DLST: variants seen among roughly 807,000 people sequenced by gnomAD.
DLST encodes the protein dihydrolipoyllysine-residue succinyltransferase component of 2-oxoglutarate dehydrogenase complex, mitochondrial.
DLST carries 17 observed loss-of-function variants against 53.1 expected under a neutral mutation model. The ratio of observed to expected loss-of-function variants is 0.32; its 90% CI spans 0.22 to 0.48. DLST has a LOEUF of 0.48. DLST is among the 20% of genes least tolerant of loss of function. The pLI is 0.99. For synonymous variants in DLST, 206 were observed against 204.8 expected, an observed-to-expected ratio of 1.01 and a Z score of -0.05; for missense variants, 512 against 583.9, an observed-to-expected ratio of 0.88 and a Z score of 1.27.
Position 74,903,259 on chromosome 14 carries a change from C to T in DLST, c.*929C>T, listed in dbSNP as rs1195069857. The T allele has an allele frequency of 6.5e-6, 1 of 152,682 alleles. No individual in the cohort carries two copies. Among genetic ancestry groups the T allele is most frequent in the Non-Finnish European group, 1.5e-5 (1 of 68,092 alleles). 9.5% of individuals were successfully genotyped at this position (152,682 alleles called of 1,614,324 possible). The stretch of plus-strand genomic sequence containing the variant: ...CTAGACTGACTCACATTGCCTTGAG[C>T]TTTTCAGTTAAGTTGCTGTAAGCAC... On this transcript the variant is annotated 3_prime_UTR_variant, in exon 15 of 15. Transcript: ENST00000334220.
chr14:74,884,372 A>G lies in DLST; in HGVS notation c.98-1214A>G, dbSNP rs141314399. ...TGGGAACCCTGAACAATGTCAGTAAACATTTTCTCCACTTCATAGGTGGGC... is the reference window on the plus strand; with the variant it reads ...TGGGAACCCTGAACAATGTCAGTAAGCATTTTCTCCACTTCATAGGTGGGC... On this transcript the variant is annotated intron_variant, in intron 2 of 14. Transcript: ENST00000334220. Among the ~76,000 whole-genome samples the G allele has an allele frequency of 8.5e-3, 1,287 of 152,268 alleles. 24 individuals are homozygous for G. The highest frequency in any genetic ancestry group is 0.029 in the African/African-American group (1,197 of 41,546).
chr14:74,891,330 G>A, intron 7 of DLST, 163 bp downstream of exon 7: 2 of 1,391,724 alleles, frequency 1.4e-6, no homozygotes, highest in Non-Finnish European at 1.9e-6. Context: ...AACTTCAAAT[G>A]TCAAATTCTA....
chr14:74,903,575 T>G lies in DLST; in HGVS notation c.*1245T>G, dbSNP rs1273351628. 1 of 137,154 alleles carries G rather than the reference T, an allele frequency of 7.3e-6. No individual in the cohort carries two copies. Among genetic ancestry groups the G allele is most frequent in the Non-Finnish European group, 1.5e-5 (1 of 65,874 alleles). The allele number at this position is 137,154 out of a possible 1,614,324, so 8.5% of individuals were successfully genotyped here. ...AGGGCCAGTAGAGAGTGCCCTTTTG[T>G]ATCTTAAGCCAAGAAGTGAGGCCTG... is the stretch of plus-strand genomic sequence containing the variant. On this transcript the variant is annotated 3_prime_UTR_variant, in exon 15 of 15. Coordinates refer to ENST00000334220, the MANE Select transcript of DLST (RefSeq NM_001933.5).
intron 3 of DLST, chr14:74,885,881 GT>G (rs1883686422): frequency 2.4e-6 from 1 of 420,976 alleles, no homozygotes; most frequent in South Asian, 4.7e-5. Flanking sequence ...TATAATGAAA[GT>G]TAAGTTGGAA....
chr14:74,902,153 G>C (rs556798845), intron 14 of DLST, 43 bp from the exon 15 acceptor site: 7 of 1,495,424 alleles, frequency 4.7e-6, no homozygotes, highest in Non-Finnish European at 6.3e-6. Context: ...GAGGCTGGCT[G>C]TGGCTTGCTG....
intron 3 of DLST, chr14:74,885,986 T>C (rs924749107): frequency 9.6e-6 from 2 of 207,570 alleles, no homozygotes. Flanking sequence ...ATTGTGGAGA[T>C]TGAGAGCATC....
Position 74,888,814 on chromosome 14 carries a change from A to C in DLST, c.147-281A>C, listed in dbSNP as rs573557516. Among the ~76,000 whole-genome samples the C allele has an allele frequency of 3.3e-5, 5 of 152,268 alleles. No individual in the cohort carries two copies. The East Asian group carries it at 9.7e-4, about 29-fold the overall frequency. The stretch of plus-strand genomic sequence containing the variant: ...GCCAAATGTAAGTCTGTTTTGTGAG[A>C]GTTGGCATTGCATTGCAGCACAGGG... On this transcript the variant is annotated intron_variant, in intron 3 of 14. Transcript: ENST00000334220.
chr14:74,891,246 C>G (rs115591330), intron 7 of DLST, 79 bp downstream of exon 7: 2 of 1,590,536 alleles, frequency 1.3e-6, no homozygotes, highest in Admixed American at 3.4e-5. Flanking sequence ...GCTAATTCCC[C>G]GATATGTCAA....
At chr14:74,886,924 A>G (rs1041881311) in intron 3 of DLST, among the ~76,000 whole-genome samples, 9 of 151,696 alleles carry the variant, frequency 5.9e-5, no homozygotes, top group Non-Finnish European at 1.2e-4. Context: ...GTATTAGTAG[A>G]GACGGGGTTT....
chr14:74,900,262 C>T, intron 12 of DLST, 27 bp from the exon 13 acceptor site: 1 of 1,609,648 alleles, frequency 6.2e-7, no homozygotes, highest in South Asian at 1.1e-5. Context: ...TAATTTGCAA[C>T]TGAAAACAGC....
rs1483596397 is a variant in DLST at position 74,891,070 on chromosome 14, T to G, written c.345T>G (p.Val115=). The part of the protein sequence containing the change: ...EIETDKTSVQ[V]PSPANGVIEA... ...TCCTCTTCCAGACATCTGTGCAGGTTCCATCACCAGCAAATGGCGTGATTG... is the reference window on the plus strand; with the variant it reads ...TCCTCTTCCAGACATCTGTGCAGGTGCCATCACCAGCAAATGGCGTGATTG... Residue 115 remains valine, a synonymous_variant, in exon 7 of 15, where the codon GTT becomes GTG. Coordinates refer to ENST00000334220, the MANE Select transcript of DLST (RefSeq NM_001933.5). 6.2e-7 allele frequency: 1 copy of G among 1,613,078 alleles called. No homozygotes were observed. The highest frequency in any genetic ancestry group is 8.5e-7 in the Non-Finnish European group (1 of 1,179,834).
At chr14:74,884,869 AAG>A (rs1381553219) in intron 2 of DLST, among the ~76,000 whole-genome samples, 7 of 152,248 alleles carry the variant, frequency 4.6e-5, no homozygotes, top group African/African-American at 1.7e-4. Context: ...AGACATAAGA[AAG>A]AATTCAGAAG....
At chr14:74,894,837 G>A (rs1447920125) in intron 10 of DLST, among the ~76,000 whole-genome samples, 1 of 151,618 alleles carries the variant, frequency 6.6e-6, no homozygotes, top group South Asian at 2.1e-4. Flanking sequence ...GTGAGCCACC[G>A]CGCCTGGCCT....
At chr14:74,890,538 A>T (rs191268016) in intron 6 of DLST, among the ~76,000 whole-genome samples, 1 of 152,304 alleles carries the variant, frequency 6.6e-6, no homozygotes, top group Admixed American at 6.5e-5. Flanking sequence ...TTTTTCCTGT[A>T]TCACTTGGAA....
chr14:74,893,502 C>G, intron 9 of DLST, 78 bp downstream of exon 9: 1 of 1,506,438 alleles, frequency 6.6e-7, no homozygotes, highest in Non-Finnish European at 9.2e-7. Flanking sequence ...GTGGTGATGC[C>G]TACCTTTGAA....
intron 3 of DLST, among the ~76,000 whole-genome samples, chr14:74,887,332 T>A (rs1429743175): frequency 6.6e-6 from 1 of 152,180 alleles, no homozygotes; most frequent in Non-Finnish European, 1.5e-5. Context: ...TATTTAGAGA[T>A]TCAAAATGTA....
intron 14 of DLST, among the ~76,000 whole-genome samples, chr14:74,901,608 A>G (rs1348121571): frequency 2.6e-5 from 4 of 152,226 alleles, no homozygotes; most frequent in African/African-American, 9.6e-5. Flanking sequence ...TGAGCTGCCA[A>G]GTTGTATGAT....
At position 74,899,932 on chromosome 14, in the gene DLST, A is replaced by G. The variant is rs148617142; in HGVS notation, c.911A>G (p.Asp304Gly). Residue 304 changes from aspartate to glycine, a missense_variant, in exon 12 of 15, where the codon GAC (aspartate) becomes GGC (glycine). Coordinates refer to ENST00000334220, the MANE Select transcript of DLST (RefSeq NM_001933.5). ...EQPVVNAVID[D>G]TTKEVVYRDY... ...ATTTTCTCTCTCATAGTGATTGACG[A>G]CACAACCAAAGAGGTGGTGTATAGG... 2.1e-4 allele frequency: 339 copies of G among 1,612,786 alleles called. No homozygotes were observed. Among genetic ancestry groups the G allele is most frequent in the Non-Finnish European group, 2.8e-4 (328 of 1,179,518 alleles).
At chr14:74,891,712 A>G (rs1883913628) in intron 7 of DLST, 1 of 985,012 alleles carries the variant, frequency 1.0e-6, no homozygotes, top group Non-Finnish European at 1.2e-6. Flanking sequence ...TCTGACTCTT[A>G]GTTAAATTTT....
Sources: gnomAD v4.1 joint callset for allele counts (sites outside exome capture counted in the v4.1 genomes callset) on GRCh38, gnomAD v4.1.1 for gene constraint, MANE v1.5 for transcripts, NCBI Gene and HGNC (gene_info 2026-07-23, HGNC 2026-07-21) for gene names.